The following N4BP1 variants were observed in gnomAD, a reference collection of about 807,000 sequenced individuals.
The protein encoded by N4BP1 is NEDD4-binding protein 1.
Under a neutral mutation model 70.9 loss-of-function variants are expected in N4BP1, and 21 were observed. The observed-to-expected ratio is 0.30, with a 90% CI of 0.21 to 0.43. The LOEUF (loss-of-function observed/expected upper bound fraction) is 0.43. N4BP1 is among the 20% of genes least tolerant of loss of function. N4BP1 has a pLI of 1.00. For synonymous variants in N4BP1, 387 were observed against 394.6 expected (o/e 0.98, Z 0.23); for missense variants, 936 against 1,069.4 (o/e 0.88, Z 1.74).
intron 1 of N4BP1, among the ~76,000 whole-genome samples, chr16:48,582,634 G>A (rs753027195): frequency 9.9e-5 from 15 of 152,064 alleles, no homozygotes; most frequent in Admixed American, 7.2e-4. Context: ...AGTAATTGTC[G>A]TTAATCCTTT....
At chr16:48,579,946 C>A (rs1431657885) in intron 1 of N4BP1, among the ~76,000 whole-genome samples, 1 of 152,002 alleles carries the variant, frequency 6.6e-6, no homozygotes, top group Non-Finnish European at 1.5e-5. Context: ...TATATGTACA[C>A]ACTCAAATAC....
chr16:48,552,928 G>A lies in N4BP1; in HGVS notation c.2020+611C>T, dbSNP rs113384422. ...ACTTCCTGTTTAATGTGCTGGGCAAGTCCTGTACTGACCCTCCTTCCCCAC... is the reference window on the plus strand; with the variant it reads ...ACTTCCTGTTTAATGTGCTGGGCAAATCCTGTACTGACCCTCCTTCCCCAC... On this transcript the variant is annotated intron_variant, in intron 3 of 6. Transcript: ENST00000262384. Among the ~76,000 whole-genome samples the A allele has an allele frequency of 2.3e-3, 356 of 152,148 alleles. 2 individuals are homozygous for A. Among genetic ancestry groups the A allele is most frequent in the African/African-American group, 8.3e-3 (343 of 41,474 alleles).
At chr16:48,560,050 G>A (rs1013309686) in intron 2 of N4BP1, among the ~76,000 whole-genome samples, 3 of 151,990 alleles carry the variant, frequency 2.0e-5, no homozygotes, top group Non-Finnish European at 4.4e-5. Flanking sequence ...CACAGTGCAG[G>A]GAGGCTCTTG....
At chr16:48,592,484 T>C (rs1008586903) in intron 1 of N4BP1, among the ~76,000 whole-genome samples, 13 of 152,232 alleles carry the variant, frequency 8.5e-5, no homozygotes, top group African/African-American at 3.1e-4. Flanking sequence ...GTAATCCAAC[T>C]TAAGAAACTG....
intron 1 of N4BP1, among the ~76,000 whole-genome samples, chr16:48,576,960 G>A (rs1964104374): frequency 6.6e-6 from 1 of 152,124 alleles, no homozygotes; most frequent in South Asian, 2.1e-4. Flanking sequence ...GTGCAGAGGT[G>A]TGATCACAGC....
chr16:48,588,641 T>C (rs953644470), intron 1 of N4BP1, among the ~76,000 whole-genome samples: 2 of 152,164 alleles, frequency 1.3e-5, no homozygotes, highest in African/African-American at 4.8e-5. Context: ...GATTACTTAA[T>C]ACTTTAGGGC....
chr16:48,545,742 T>C (rs897109169), intron 6 of N4BP1, among the ~76,000 whole-genome samples: 2 of 151,824 alleles, frequency 1.3e-5, no homozygotes, highest in Non-Finnish European at 2.9e-5. Flanking sequence ...AAAAAAAATT[T>C]TGGCCAGGCA....
chr16:48,603,314 T>C (rs1964530959), intron 1 of N4BP1, among the ~76,000 whole-genome samples: 1 of 151,916 alleles, frequency 6.6e-6, no homozygotes. Context: ...CCCAGGACTC[T>C]GCTTGAAGTC....
Position 48,547,862 on chromosome 16 carries a change from G to A in N4BP1, c.2225+145C>T, listed in dbSNP as rs529868169. ...GGCCAGCCACCTATGAAGTGGGAGT[G>A]CAGCACAGTCTTATGATACTTTGGT... On this transcript the variant is annotated intron_variant, in intron 5 of 6. Transcript: ENST00000262384. 75 of 601,648 alleles carry A rather than the reference G, an allele frequency of 1.2e-4. 1 individual carries two copies. In the Admixed American group the frequency reaches 1.8e-3, roughly 15 times the overall value. The allele number at this position is 601,648 out of a possible 1,614,324, so 37.3% of individuals were successfully genotyped here. A position where few individuals can be genotyped will look rare whatever the true frequency, so the allele number is the denominator to read the frequency against.
At chr16:48,543,363 C>G (rs1334246727) in intron 6 of N4BP1, 102 bp from the exon 7 acceptor site, 2 of 973,258 alleles carry the variant, frequency 2.1e-6, no homozygotes, top group Non-Finnish European at 2.9e-6. Flanking sequence ...GCTCAGGATG[C>G]CGCTCCCTGG....
chr16:48,588,909 C>G (rs1409322520), intron 1 of N4BP1, among the ~76,000 whole-genome samples: 5 of 152,048 alleles, frequency 3.3e-5, no homozygotes, highest in Admixed American at 2.6e-4. Flanking sequence ...GAATATAAAA[C>G]AAAGACTTTG....
chr16:48,564,775 G>A (rs901198376), intron 1 of N4BP1, among the ~76,000 whole-genome samples: 9 of 152,180 alleles, frequency 5.9e-5, no homozygotes, highest in Non-Finnish European at 1.0e-4. Flanking sequence ...ACTGACATCT[G>A]CTGAGTCTCC....
Position 48,546,363 on chromosome 16 carries a change from T to A in N4BP1, c.2226-109A>T, listed in dbSNP as rs1457606902. On this transcript the variant is annotated intron_variant, in intron 5 of 6. Transcript: ENST00000262384. ...TGCCAAAGCAACGGTCAGGTCAGCC[T>A]ACAAATCCTAAGACTGCTCAACTGC... 2.3e-5 allele frequency: 15 copies of A among 663,048 alleles called. No individual in the cohort carries two copies. The South Asian group carries it at 2.3e-4, about 10-fold the overall frequency. 41.1% of individuals were successfully genotyped at this position (663,048 alleles called of 1,614,324 possible).
intron 1 of N4BP1, among the ~76,000 whole-genome samples, chr16:48,591,945 T>C (rs1446445643): frequency 6.6e-6 from 1 of 151,272 alleles, no homozygotes; most frequent in African/African-American, 2.4e-5. Context: ...ATGGGAGAGC[T>C]GTTAGCCTTG....
chr16:48,545,260 C>T (rs1963572863), intron 6 of N4BP1, among the ~76,000 whole-genome samples: 3 of 150,864 alleles, frequency 2.0e-5, no homozygotes, highest in Non-Finnish European at 3.0e-5. Context: ...CCACCAAACC[C>T]GGCTTTGTCT....
At chr16:48,546,043 A>C (rs1963587462) in intron 6 of N4BP1, 104 bp downstream of exon 6, 1 of 668,418 alleles carries the variant, frequency 1.5e-6, no homozygotes, top group African/African-American at 1.9e-5. Flanking sequence ...AAAAAAAAAT[A>C]ATTTTTTTAA....
chr16:48,599,910 G>A (rs907588371), intron 1 of N4BP1, among the ~76,000 whole-genome samples: 1 of 152,158 alleles, frequency 6.6e-6, no homozygotes, highest in Admixed American at 6.5e-5. Context: ...CTCACCCTTG[G>A]ACTGCTGCTT....
chr16:48,607,003 C>T (rs533976484), intron 1 of N4BP1, among the ~76,000 whole-genome samples: 11 of 152,126 alleles, frequency 7.2e-5, no homozygotes, highest in Non-Finnish European at 1.5e-4. Flanking sequence ...GTAAAACAAA[C>T]TCCAAAACAA....
chr16:48,548,713 C>A (rs1016737777), intron 4 of N4BP1, among the ~76,000 whole-genome samples: 1 of 151,690 alleles, frequency 6.6e-6, no homozygotes, highest in African/African-American at 2.4e-5. Flanking sequence ...GCCGGGTGTT[C>A]CCTGTAGTCC....
Sources: gnomAD v4.1 joint callset for allele counts (sites outside exome capture counted in the v4.1 genomes callset) on GRCh38, gnomAD v4.1.1 for gene constraint, MANE v1.5 for transcripts, NCBI Gene and HGNC (gene_info 2026-07-23, HGNC 2026-07-21) for gene names.